The following DAAM1 variants were observed in gnomAD, a reference collection of about 807,000 sequenced individuals.
The protein encoded by DAAM1 is disheveled-associated activator of morphogenesis 1.
Under a neutral mutation model 130.0 loss-of-function variants are expected in DAAM1, and 52 were observed. That is an observed-to-expected ratio of 0.40 (90% CI 0.32 to 0.50). DAAM1 has a LOEUF of 0.50. Among genes scored for constraint, DAAM1 ranks in the 20% least tolerant of loss-of-function variants. The pLI is 0.61. For missense variants in DAAM1, 1,134 were observed against 1,303.8 expected, an observed-to-expected ratio of 0.87 and a Z score of 2.01; for synonymous variants, 452 against 444.5, an observed-to-expected ratio of 1.02 and a Z score of -0.21.
At chr14:59,276,025 T>G (rs1882951334) in intron 2 of DAAM1, among the ~76,000 whole-genome samples, 1 of 152,180 alleles carries the variant, frequency 6.6e-6, no homozygotes, top group Non-Finnish European at 1.5e-5. Context: ...TTTATGTTTT[T>G]CCTGACTGGT....
At chr14:59,360,731 A>G in intron 21 of DAAM1, 71 bp from the exon 22 acceptor site, 1 of 1,367,002 alleles carries the variant, frequency 7.3e-7, no homozygotes, top group Non-Finnish European at 1.0e-6. Context: ...AGCGTGAAAT[A>G]TTTAAACCCA....
chr14:59,219,582 A>G (rs937679964), intron 1 of DAAM1, among the ~76,000 whole-genome samples: 8 of 152,146 alleles, frequency 5.3e-5, no homozygotes, highest in African/African-American at 1.7e-4. Flanking sequence ...GTAAATTTGT[A>G]TGTAGACTAT....
At chr14:59,266,192 G>T (rs894538629) in intron 2 of DAAM1, 3 of 151,736 alleles carry the variant, frequency 2.0e-5, no homozygotes, top group African/African-American at 7.3e-5. Flanking sequence ...TCAACCAAAG[G>T]ACATAGGTGT....
intron 2 of DAAM1, among the ~76,000 whole-genome samples, chr14:59,278,781 A>G (rs1418530705): frequency 6.6e-6 from 1 of 152,220 alleles, no homozygotes; most frequent in Non-Finnish European, 1.5e-5. Flanking sequence ...TAAGGAAGTG[A>G]TCTTTGATTT....
intron 2 of DAAM1, chr14:59,264,100 T>TGA (rs1882318741): frequency 2.0e-5 from 4 of 202,674 alleles, no homozygotes; most frequent in Non-Finnish European, 4.1e-5. Context: ...TAGTCATACT[T>TGA]TCCATCCTGT....
intron 1 of DAAM1, among the ~76,000 whole-genome samples, chr14:59,257,601 G>A (rs945345673): frequency 6.6e-6 from 1 of 152,192 alleles, no homozygotes; most frequent in African/African-American, 2.4e-5. Flanking sequence ...GTGCACGCAC[G>A]TGCCTGCGTA....
intron 1 of DAAM1, among the ~76,000 whole-genome samples, chr14:59,191,645 AT>A (rs1259506952): frequency 3.3e-5 from 5 of 152,190 alleles, no homozygotes; most frequent in Admixed American, 3.3e-4. Flanking sequence ...TTTAGAATAC[AT>A]TCACTCACAT....
chr14:59,297,103 C>T (rs1354120682), intron 3 of DAAM1, among the ~76,000 whole-genome samples: 2 of 152,176 alleles, frequency 1.3e-5, no homozygotes, highest in Non-Finnish European at 2.9e-5. Flanking sequence ...CCAGTAAAAA[C>T]CACCCTGCCA....
intron 1 of DAAM1, among the ~76,000 whole-genome samples, chr14:59,215,929 C>A (rs145071336): frequency 6.6e-6 from 1 of 152,286 alleles, no homozygotes; most frequent in African/African-American, 2.4e-5. Context: ...GCCTTTCTCA[C>A]GTTCCTCTCA....
In DAAM1 at chr14:59,241,656, G is replaced by A. The variant is rs140259569; in HGVS notation, c.-37-21785G>A. On this transcript the variant is annotated intron_variant, in intron 1 of 24. Transcript: ENST00000360909. ...CTCTACTGCACCCAATTCAAACATC[G>A]GAAGCAGAAGGAAGAGCTTCCCTGT... Among the ~76,000 whole-genome samples, 379 of 152,216 alleles carry A rather than the reference G, an allele frequency of 2.5e-3. 1 individual carries two copies. Among genetic ancestry groups the A allele is most frequent in the African/African-American group, 8.5e-3 (352 of 41,522 alleles).
chr14:59,328,505 C>T (rs976105579), intron 12 of DAAM1, among the ~76,000 whole-genome samples: 8 of 152,072 alleles, frequency 5.3e-5, no homozygotes, highest in African/African-American at 1.9e-4. Flanking sequence ...CAGTGAATAC[C>T]TGTTGAATGC....
At chr14:59,326,891 T>G (rs1885223297) in intron 11 of DAAM1, 42 bp from the exon 12 acceptor site, 1 of 1,611,316 alleles carries the variant, frequency 6.2e-7, no homozygotes, top group Non-Finnish European at 8.5e-7. Context: ...CAGTGGACCT[T>G]TTATATTTTT....
intron 2 of DAAM1, among the ~76,000 whole-genome samples, chr14:59,275,890 A>G (rs530459097): frequency 6.6e-6 from 1 of 152,240 alleles, no homozygotes; most frequent in Admixed American, 6.5e-5. Flanking sequence ...GTGGTGAGTC[A>G]TATTGTGGTA....
intron 2 of DAAM1, among the ~76,000 whole-genome samples, chr14:59,267,025 G>C (rs12878284): frequency 0.22 from 33,207 of 152,118 alleles, 3,754 homozygotes; most frequent in East Asian, 0.33. Flanking sequence ...ACACCCCACA[G>C]ACAAATACTG....
At chr14:59,238,292 C>G (rs902720340) in intron 1 of DAAM1, among the ~76,000 whole-genome samples, 5 of 152,108 alleles carry the variant, frequency 3.3e-5, no homozygotes, top group East Asian at 3.9e-4. Context: ...AAGCCTCATT[C>G]ATATTTCCCT....
chr14:59,327,697 G>A lies in DAAM1; in HGVS notation c.1372+706G>A, dbSNP rs545895494. Among the ~76,000 whole-genome samples, 20 of 152,170 alleles carry A rather than the reference G, an allele frequency of 1.3e-4. No homozygotes were observed. The East Asian group carries it at 3.3e-3, about 25-fold the overall frequency. On this transcript the variant is annotated intron_variant, in intron 12 of 24. Transcript: ENST00000360909. Reference sequence around the variant, plus strand: ...GCTGGGATTGCAGGCGTGAGCCACCGCGCCCGGCCTACTTGGTTTCAATAA... The same window carrying A: ...GCTGGGATTGCAGGCGTGAGCCACCACGCCCGGCCTACTTGGTTTCAATAA...
At chr14:59,209,898 C>T (rs1443865084) in intron 1 of DAAM1, among the ~76,000 whole-genome samples, 1 of 151,970 alleles carries the variant, frequency 6.6e-6, no homozygotes, top group African/African-American at 2.4e-5. Flanking sequence ...AGGAGGATCA[C>T]TTGAGCCCAG....
chr14:59,367,883 T>C (rs1447763854), intron 24 of DAAM1, among the ~76,000 whole-genome samples: 3 of 152,174 alleles, frequency 2.0e-5, no homozygotes, highest in Non-Finnish European at 2.9e-5. Context: ...AAGGGCAGCA[T>C]TCTTTATAAT....
Position 59,188,739 on chromosome 14 carries a change from C to T in DAAM1, c.-67C>T, listed in dbSNP as rs1219862471. ...ATCCCATTGTACCCAGAGTGCAGAGCCGCCTTTCCAGCATGCAGGGGCTGC... is the reference window on the plus strand; with the variant it reads ...ATCCCATTGTACCCAGAGTGCAGAGTCGCCTTTCCAGCATGCAGGGGCTGC... On this transcript the variant is annotated 5_prime_UTR_variant, in exon 1 of 25. Transcript: ENST00000360909. 5.0e-4 allele frequency: 77 copies of T among 152,940 alleles called. No homozygotes were observed. Among genetic ancestry groups the T allele is most frequent in the Non-Finnish European group, 1.3e-4 (9 of 68,292 alleles). 9.5% of individuals were successfully genotyped at this position (152,940 alleles called of 1,614,324 possible).
Sources: allele counts gnomAD v4.1 joint callset (sites outside exome capture counted in the v4.1 genomes callset), GRCh38; gene constraint gnomAD v4.1.1; transcripts MANE v1.5; gene names NCBI Gene and HGNC (gene_info 2026-07-23, HGNC 2026-07-21).